Variants in TCP11L1 observed in about 807,000 individuals in gnomAD.
TCP11L1 encodes the protein t-complex 11 like 1, also known as T-complex protein 11-like protein 1.
In TCP11L1, 28 loss-of-function variants were observed where a neutral mutation model predicts 48.9. The observed-to-expected ratio is 0.57, with a 90% confidence interval of 0.42 to 0.78. The LOEUF (loss-of-function observed/expected upper bound fraction) is 0.78. Ranked by LOEUF, TCP11L1 falls within the 30% of genes least tolerant of loss-of-function variation. TCP11L1 has a pLI of 0.00. For synonymous variants in TCP11L1, 204 were observed against 231.9 expected, an observed-to-expected ratio of 0.88 and a Z score of 1.09; for missense variants, 505 against 613.4, an observed-to-expected ratio of 0.82 and a Z score of 1.87.
chr11:33,061,532 T>G lies in TCP11L1; in HGVS notation c.778T>G (p.Ser260Ala). Residue 260 changes from serine to alanine, a missense_variant and splice_region_variant, in exon 7 of 10, where the codon TCC (serine) becomes GCC (alanine). Physicochemically the swap from Ser to Ala is moderately conservative, Grantham distance 99. Around this residue, in one of 3 missense-constraint regions of TCP11L1, gnomAD observed 335 missense variants for 413.3 expected, o/e 0.81. Transcript: ENST00000334274. ...GTGTGCAGCTTTGTTTTTCACAGAT[T>G]CCCTGGACTTTGTCACCCAGTGGCT... is the stretch of plus-strand genomic sequence containing the variant. ...FQEILERQPN[S>A]LDFVTQWLEE... The G allele has an allele frequency of 1.3e-6, 2 of 1,599,978 alleles. No homozygotes were observed. Among genetic ancestry groups the G allele is most frequent in the Non-Finnish European group, 1.7e-6 (2 of 1,172,460 alleles).
Position 33,066,016 on chromosome 11 carries a change from G to C in TCP11L1, c.1154+5G>C. ...GCTAACAGATATGCACCTGCCGTAA[G>C]TGGAACTTTGATGCGTGGATGGGAC... On this transcript the variant is annotated splice_donor_5th_base_variant and intron_variant, in intron 8 of 9. Transcript: ENST00000334274. The C allele has an allele frequency of 6.2e-7, 1 of 1,613,874 alleles. No homozygotes were observed. The highest frequency in any genetic ancestry group is 1.7e-4 in the Middle Eastern group (1 of 6,058).
chr11:33,052,434 C>T (rs1440501038), intron 2 of TCP11L1, among the ~76,000 whole-genome samples: 1 of 151,330 alleles, frequency 6.6e-6, no homozygotes, highest in African/African-American at 2.4e-5. Context: ...AAGTTTTTTA[C>T]CAGGCAGGAT....
At position 33,072,877 on chromosome 11, in the gene TCP11L1, A is replaced by T; in HGVS notation, c.*201A>T. The T allele has an allele frequency of 1.6e-6, 1 of 628,752 alleles. No homozygotes were observed. The highest frequency in any genetic ancestry group is 2.0e-5 in the South Asian group (1 of 49,378). The allele number at this position is 628,752 out of a possible 1,614,324, so 38.9% of individuals were successfully genotyped here. ...TCTATTTTGAGAGATTGTATTTATG[A>T]GTGCAAGTTTACAAATCAAAGAAGC... On this transcript the variant is annotated 3_prime_UTR_variant, in exon 10 of 10. Coordinates refer to ENST00000334274, the MANE Select transcript of TCP11L1 (RefSeq NM_018393.4).
chr11:33,067,916 T>A (rs113597049), intron 8 of TCP11L1, among the ~76,000 whole-genome samples: 1,852 of 151,896 alleles, frequency 0.012, 48 homozygotes, highest in African/African-American at 0.042. Context: ...AAAAATTTTT[T>A]AATTTTTATA....
intron 2 of TCP11L1, among the ~76,000 whole-genome samples, chr11:33,053,348 T>A (rs1854220003): frequency 6.6e-6 from 1 of 152,120 alleles, no homozygotes; most frequent in African/African-American, 2.4e-5. Context: ...TTTCACCATG[T>A]TGGCCACGTG....
At chr11:33,061,433 T>C in intron 6 of TCP11L1, 97 bp from the exon 7 acceptor site, 1 of 1,214,012 alleles carries the variant, frequency 8.2e-7, no homozygotes, top group Non-Finnish European at 1.1e-6. Flanking sequence ...TACTTTATAC[T>C]TTATCACTCC....
chr11:33,065,489 C>CT (rs142020533), intron 7 of TCP11L1, among the ~76,000 whole-genome samples: 23,000 of 152,156 alleles, frequency 0.15, 1,903 homozygotes, highest in East Asian at 0.3. Flanking sequence ...TCTTGAACTC[C>CT]TGACCTCAGG....
intron 1 of TCP11L1, chr11:33,041,181 A>T (rs1351922250): frequency 6.6e-6 from 1 of 152,234 alleles, no homozygotes; most frequent in Non-Finnish European, 1.5e-5. Flanking sequence ...TAAGCTGAGC[A>T]TTAGAGACCT....
rs1564984066 is a variant in TCP11L1, at chr11:33,061,596, AAC to A, written c.845_846del (p.His282ArgfsTer87). On this transcript the variant is annotated frameshift_variant, in exon 7 of 10. Transcript: ENST00000334274. LOFTEE classifies it high-confidence loss of function. ...GAGGACCTTATGACTCAGAAGTATAAACACGCCCTGCCAGTGGGGGGAATGGC... is the reference window on the plus strand; with the variant it reads ...GAGGACCTTATGACTCAGAAGTATAAACGCCCTGCCAGTGGGGGGAATGGC... 6.2e-7 allele frequency: 1 copy of A among 1,612,366 alleles called. No homozygotes were observed. Among genetic ancestry groups the A allele is most frequent in the Non-Finnish European group, 8.5e-7 (1 of 1,179,302 alleles).
chr11:33,072,818 C>T lies in TCP11L1; in HGVS notation c.*142C>T. 2.2e-6 allele frequency: 2 copies of T among 889,588 alleles called. No homozygotes were observed. Among genetic ancestry groups the T allele is most frequent in the Non-Finnish European group, 3.4e-6 (2 of 580,840 alleles). 55.1% of individuals were successfully genotyped at this position (889,588 alleles called of 1,614,324 possible). A position where few individuals can be genotyped will look rare whatever the true frequency, so the allele number is the denominator to read the frequency against. On this transcript the variant is annotated 3_prime_UTR_variant, in exon 10 of 10. Transcript: ENST00000334274. ...CCAAAGGGAAGAATATTGTGTATCACTGTTGAAAAGACTTGTTGAGAAATC... is the reference window on the plus strand; with the variant it reads ...CCAAAGGGAAGAATATTGTGTATCATTGTTGAAAAGACTTGTTGAGAAATC...
rs1284040219 is a variant in TCP11L1, at chr11:33,043,756, G to A, written c.-18G>A. The A allele has an allele frequency of 6.3e-7, 1 of 1,587,008 alleles. No individual in the cohort carries two copies. The highest frequency in any genetic ancestry group is 8.5e-7 in the Non-Finnish European group (1 of 1,170,626). On this transcript the variant is annotated 5_prime_UTR_variant, in exon 2 of 10. An upstream open reading frame in the 5' UTR loses its in-frame stop. Coordinates refer to ENST00000334274, the MANE Select transcript of TCP11L1 (RefSeq NM_018393.4). ...TTGTTTTTTTCTTTCCTAGGAAAGT[G>A]AATAAACTTAATTGAGAATGTCTGA...
chr11:33,065,021 G>A (rs982699066), intron 7 of TCP11L1, among the ~76,000 whole-genome samples: 1 of 152,218 alleles, frequency 6.6e-6, no homozygotes, highest in African/African-American at 2.4e-5. Context: ...GGGTTCACAG[G>A]ACTTGGGAAT....
chr11:33,051,177 A>AT (rs1354110290), intron 2 of TCP11L1, among the ~76,000 whole-genome samples: 1 of 151,078 alleles, frequency 6.6e-6, no homozygotes, highest in Admixed American at 6.6e-5. Context: ...ATTATTATTA[A>AT]TTTTTTTTGA....
Position 33,039,607 on chromosome 11 carries a change from C to G in TCP11L1, c.-210C>G. The G allele has an allele frequency of 6.6e-6, 1 of 152,350 alleles. No homozygotes were observed. The highest frequency in any genetic ancestry group is 1.9e-4 in the East Asian group (1 of 5,192). 9.4% of individuals were successfully genotyped at this position (152,350 alleles called of 1,614,324 possible). ...TTCCTGATGCTGAGAAGCGGCCGCTCTGACCGCTGCCCACCCGAGTCGGGC... is the reference window on the plus strand; with the variant it reads ...TTCCTGATGCTGAGAAGCGGCCGCTGTGACCGCTGCCCACCCGAGTCGGGC... On this transcript the variant is annotated 5_prime_UTR_variant, in exon 1 of 10. Coordinates refer to ENST00000334274, the MANE Select transcript of TCP11L1 (RefSeq NM_018393.4).
At chr11:33,057,865 A>G in intron 4 of TCP11L1, 54 bp from the exon 5 acceptor site, 1 of 1,445,906 alleles carries the variant, frequency 6.9e-7, no homozygotes, top group South Asian at 1.3e-5. Context: ...ATTACATATA[A>G]TTAGAAATGA....
chr11:33,049,032 A>G (rs985251257), intron 2 of TCP11L1, among the ~76,000 whole-genome samples: 3 of 152,194 alleles, frequency 2.0e-5, no homozygotes, highest in Non-Finnish European at 4.4e-5. Context: ...CAGGTGGATC[A>G]TGAGGTCAAG....
At chr11:33,065,696 C>T (rs1212904504) in intron 7 of TCP11L1, 134 bp from the exon 8 acceptor site, 1 of 964,346 alleles carries the variant, frequency 1.0e-6, no homozygotes, top group Admixed American at 2.3e-5. Context: ...ACACCAGACT[C>T]CCTCAAAGCT....
chr11:33,061,512 C>G lies in TCP11L1; in HGVS notation c.776-18C>G. The G allele has an allele frequency of 6.3e-7, 1 of 1,581,976 alleles. No individual in the cohort carries two copies. The highest frequency in any genetic ancestry group is 2.3e-5 in the East Asian group (1 of 44,284). On this transcript the variant is annotated intron_variant, in intron 6 of 9. Coordinates refer to ENST00000334274, the MANE Select transcript of TCP11L1 (RefSeq NM_018393.4). ...CTTCTTGGTGTCAAGGTAATGTGTG[C>G]AGCTTTGTTTTTCACAGATTCCCTG...
rs528336721 is a variant in TCP11L1 at position 33,047,149 on chromosome 11, G to A, written c.163+3213G>A. Among the ~76,000 whole-genome samples the A allele has an allele frequency of 8.6e-5, 13 of 151,804 alleles. 1 individual carries two copies. In the South Asian group the frequency reaches 2.7e-3, roughly 32 times the overall value. On this transcript the variant is annotated intron_variant, in intron 2 of 9. Transcript: ENST00000334274. ...AATCACTTGAACCTGGGAAGCAGAG[G>A]TTGCAGTGAACCGAGATTGTGCCAT... is the stretch of plus-strand genomic sequence containing the variant.
Sources: allele counts gnomAD v4.1 joint callset (sites outside exome capture counted in the v4.1 genomes callset), GRCh38; gene constraint gnomAD v4.1.1; regional missense constraint gnomAD v4.1.1; transcripts MANE v1.5; gene names NCBI Gene and HGNC (gene_info 2026-07-23, HGNC 2026-07-21).